UBASH3A: variants seen among roughly 807,000 people sequenced by gnomAD.
UBASH3A encodes the protein ubiquitin associated and SH3 domain containing A.
In UBASH3A, 63 loss-of-function variants were observed where a neutral mutation model predicts 73.5. That is an observed-to-expected ratio of 0.86 (90% CI 0.70 to 1.06). The LOEUF (loss-of-function observed/expected upper bound fraction) is 1.06. Ranked by LOEUF, UBASH3A falls within the 50% of genes least tolerant of loss-of-function variation. UBASH3A has a pLI of 0.00. For synonymous variants in UBASH3A, 363 were observed against 351.1 expected, an observed-to-expected ratio of 1.03 and a Z score of -0.38; for missense variants, 860 against 859.0, an observed-to-expected ratio of 1.00 and a Z score of -0.02.
rs190416936 is a variant in UBASH3A, at chr21:42,429,937, T to A, written c.1171-2166T>A. On this transcript the variant is annotated intron_variant, in intron 8 of 14. Transcript: ENST00000319294. ...ACTGGCTCACCAATCCCATAGTTTA[T>A]GCACCTACCAAATGTAGCCAGGGCC... is the stretch of plus-strand genomic sequence containing the variant. 6.3e-3 allele frequency among the ~76,000 whole-genome samples: 953 copies of A among 152,296 alleles called. 6 individuals are homozygous for A. The highest frequency in any genetic ancestry group is 0.022 in the African/African-American group (899 of 41,558).
chr21:42,411,572 GAC>G (rs1482798602), intron 3 of UBASH3A, among the ~76,000 whole-genome samples: 2 of 151,680 alleles, frequency 1.3e-5, no homozygotes, highest in South Asian at 2.1e-4. Flanking sequence ...CACACACACA[GAC>G]ACACACACAT....
Position 42,404,050 on chromosome 21 carries a change from G to A in UBASH3A, c.105G>A (p.Val35=). The change falls in exon 1 of 15, where the codon GTG becomes GTA. Residue 35 remains valine (V), a synonymous_variant. Coordinates refer to ENST00000319294, the MANE Select transcript of UBASH3A (RefSeq NM_018961.4). ...CCCTCCTGGCCATGGGCTTCCCGGT[G>A]CACACCGCGTGAGTACTGCCCAGAG... The part of the protein sequence containing the change: ...LEPLLAMGFP[V]HTALKALAAT... 2.6e-6 allele frequency: 4 copies of A among 1,516,776 alleles called. No individual in the cohort carries two copies. Among genetic ancestry groups the A allele is most frequent in the Non-Finnish European group, 3.5e-6 (4 of 1,126,828 alleles). 94.0% of individuals were successfully genotyped at this position (1,516,776 alleles called of 1,614,324 possible). A position where few individuals can be genotyped will look rare whatever the true frequency, so the allele number is the denominator to read the frequency against.
At chr21:42,428,854 T>C (rs1012927985) in intron 8 of UBASH3A, among the ~76,000 whole-genome samples, 3 of 152,082 alleles carry the variant, frequency 2.0e-5, no homozygotes, top group Non-Finnish European at 2.9e-5. Context: ...TTTCACCCCT[T>C]CCCTACAGTA....
At chr21:42,428,590 T>C (rs554222157) in intron 8 of UBASH3A, among the ~76,000 whole-genome samples, 1 of 152,258 alleles carries the variant, frequency 6.6e-6, no homozygotes, top group African/African-American at 2.4e-5. Flanking sequence ...GAGACCATTC[T>C]GTTTTACTCA....
intron 6 of UBASH3A, 63 bp from the exon 7 acceptor site, chr21:42,418,338 T>C (rs2053264135): frequency 1.3e-6 from 2 of 1,483,032 alleles, no homozygotes; most frequent in Admixed American, 3.4e-5. Context: ...AGGCCTCCTA[T>C]TGCTGCCATT....
chr21:42,403,983 C>T lies in UBASH3A; in HGVS notation c.38C>T (p.Ser13Phe). The T allele has an allele frequency of 6.5e-7, 1 of 1,527,154 alleles. No individual in the cohort carries two copies. Among genetic ancestry groups the T allele is most frequent in the South Asian group, 1.2e-5 (1 of 81,024 alleles). 94.6% of individuals were successfully genotyped at this position (1,527,154 alleles called of 1,614,324 possible). ...AGETQLYAKVSNKLKSRSSPS... is the reference protein window; with the variant it reads ...AGETQLYAKVFNKLKSRSSPS... ...GAGACGCAGCTCTACGCCAAGGTCT[C>T]CAACAAGCTCAAGAGCCGCAGCAGC... Residue 13 changes from serine (S) to phenylalanine (F), a missense_variant, in exon 1 of 15, where the codon TCC (serine) becomes TTC (phenylalanine). Physicochemically the swap from Ser to Phe is radical, Grantham distance 155 (BLOSUM62 -2). Coordinates refer to ENST00000319294, the MANE Select transcript of UBASH3A (RefSeq NM_018961.4).
Position 42,409,417 on chromosome 21 carries a change from T to C in UBASH3A, c.168-5T>C. On this transcript the variant is annotated splice_region_variant and splice_polypyrimidine_tract_variant and intron_variant, in intron 2 of 14. Coordinates refer to ENST00000319294, the MANE Select transcript of UBASH3A (RefSeq NM_018961.4). ...TGGGTGATGCCGGCTTGCTCTCTGTTGCAGGCTGCATGATCATTGCAATGA... is the reference window on the plus strand; with the variant it reads ...TGGGTGATGCCGGCTTGCTCTCTGTCGCAGGCTGCATGATCATTGCAATGA... 2.6e-6 allele frequency: 4 copies of C among 1,566,924 alleles called. No homozygotes were observed. Among genetic ancestry groups the C allele is most frequent in the Non-Finnish European group, 3.5e-6 (4 of 1,157,700 alleles).
intron 1 of UBASH3A, among the ~76,000 whole-genome samples, chr21:42,405,936 C>A (rs577808813): frequency 7.1e-6 from 1 of 140,016 alleles, no homozygotes; most frequent in Admixed American, 7.8e-5. Context: ...AGCGTGTGTC[C>A]GAGCCAGGGG....
intron 10 of UBASH3A, 66 bp from the exon 11 acceptor site, chr21:42,437,422 G>A (rs2053645007): frequency 6.8e-7 from 1 of 1,460,106 alleles, no homozygotes; most frequent in South Asian, 1.1e-5. Flanking sequence ...GGGAGCACAT[G>A]GCTCATCTGC....
intron 8 of UBASH3A, among the ~76,000 whole-genome samples, chr21:42,428,544 A>G (rs1011420852): frequency 2.6e-5 from 4 of 152,110 alleles, no homozygotes; most frequent in African/African-American, 7.2e-5. Context: ...AGCTAGTACC[A>G]TGGATTCCAA....
chr21:42,437,046 G>A (rs1444137131), intron 10 of UBASH3A, among the ~76,000 whole-genome samples: 2 of 152,250 alleles, frequency 1.3e-5, no homozygotes, highest in South Asian at 2.1e-4. Flanking sequence ...TGGGAGGACT[G>A]AGGTCTGTTC....
chr21:42,415,100 G>C (rs2053175771), intron 5 of UBASH3A, among the ~76,000 whole-genome samples: 1 of 152,190 alleles, frequency 6.6e-6, no homozygotes, highest in Non-Finnish European at 1.5e-5. Context: ...TCCCTCTTGG[G>C]GCAAATGCAT....
intron 8 of UBASH3A, among the ~76,000 whole-genome samples, chr21:42,430,018 G>A (rs17114903): frequency 0.038 from 5,805 of 151,884 alleles, 117 homozygotes; most frequent in African/African-American, 0.051. Context: ...TGCATCGTCC[G>A]GGCCAGCGTG....
chr21:42,431,686 G>C (rs549000560), intron 8 of UBASH3A, among the ~76,000 whole-genome samples: 1 of 152,318 alleles, frequency 6.6e-6, no homozygotes, highest in South Asian at 2.1e-4. Flanking sequence ...TTTCTCAGAA[G>C]AAGTGTGCCA....
Position 42,409,437 on chromosome 21 carries a change from C to T in UBASH3A, c.183C>T (p.Cys61=), listed in dbSNP as rs1279603376. ...TCTGTTGCAGGCTGCATGATCATTG[C>T]AATGACCCTTCCCTAGACGACCCCA... ...EEALAWLHDH[C]NDPSLDDPIP... The change falls in exon 3 of 15, where the codon TGC becomes TGT. Residue 61 remains cysteine, a synonymous_variant. Transcript: ENST00000319294. 1 of 1,598,698 alleles carries T rather than the reference C, an allele frequency of 6.3e-7. No homozygotes were observed. Among genetic ancestry groups the T allele is most frequent in the Admixed American group, 1.8e-5 (1 of 56,120 alleles).
rs371469212 is a variant in UBASH3A, at chr21:42,443,405, C to T, written c.1725C>T (p.Thr575=). 3.1e-6 allele frequency: 5 copies of T among 1,610,496 alleles called. No homozygotes were observed. In the African/African-American group the frequency reaches 6.7e-5, roughly 21 times the overall value. ...CGAGCATGGTGCAAATCGTCAACACCTGTCCACAGGACAGTAAGTGCCTCA... is the reference window on the plus strand; with the variant it reads ...CGAGCATGGTGCAAATCGTCAACACTTGTCCACAGGACAGTAAGTGCCTCA... ...CTASMVQIVN[T]CPQDTGVILI... Residue 575 remains threonine, a synonymous_variant, in exon 13 of 15, where the codon ACC becomes ACT. Coordinates refer to ENST00000319294, the MANE Select transcript of UBASH3A (RefSeq NM_018961.4).
At position 42,447,677 on chromosome 21, in the gene UBASH3A, G is replaced by C. The variant is rs3827233; in HGVS notation, c.*483G>C. The C allele has an allele frequency of 0.35, 53,411 of 151,964 alleles. 9,790 individuals are homozygous for C. The highest frequency in any genetic ancestry group is 0.41 in the Non-Finnish European group (28,200 of 68,160). The allele number at this position is 151,964 out of a possible 1,614,324, so 9.4% of individuals were successfully genotyped here. A position where few individuals can be genotyped will look rare whatever the true frequency, so the allele number is the denominator to read the frequency against. ...AATGGTCCCAGAAAACCATCGACCA[G>C]GTCAAAACTGGGTTGCTGCTCCGTG... On this transcript the variant is annotated 3_prime_UTR_variant, in exon 15 of 15. Transcript: ENST00000319294.
Position 42,426,097 on chromosome 21 carries a change from A to C in UBASH3A, c.1047-600A>C, listed in dbSNP as rs367670846. On this transcript the variant is annotated intron_variant, in intron 7 of 14. Coordinates refer to ENST00000319294, the MANE Select transcript of UBASH3A (RefSeq NM_018961.4). Reference sequence around the variant, plus strand: ...CTGGCAGATGGGAGACCCTGGGAAGAGTTGAGGTTACAGCTCAAGTCCAAA... The same window carrying C: ...CTGGCAGATGGGAGACCCTGGGAAGCGTTGAGGTTACAGCTCAAGTCCAAA... 2.0e-5 allele frequency among the ~76,000 whole-genome samples: 3 copies of C among 152,242 alleles called. 1 individual carries two copies. Among genetic ancestry groups the C allele is most frequent in the East Asian group, 1.9e-4 (1 of 5,186 alleles).
chr21:42,436,285 ATAGAGT>A (rs1482527971), intron 10 of UBASH3A, among the ~76,000 whole-genome samples: 1 of 152,216 alleles, frequency 6.6e-6, no homozygotes, highest in Non-Finnish European at 1.5e-5. Context: ...TTATAGAGCT[ATAGAGT>A]TAGAGTCATA....
Sources: allele counts gnomAD v4.1 joint callset (sites outside exome capture counted in the v4.1 genomes callset), GRCh38; gene constraint gnomAD v4.1.1; transcripts MANE v1.5; gene names NCBI Gene and HGNC (gene_info 2026-07-23, HGNC 2026-07-21).